BEND7: variants seen among roughly 807,000 people sequenced by gnomAD.
The protein encoded by BEND7 is BEN domain-containing protein 7.
A neutral mutation model predicts 50.9 loss-of-function variants in BEND7; 28 were observed. That is an observed-to-expected ratio of 0.55 (90% confidence interval 0.41 to 0.75). The LOEUF (loss-of-function observed/expected upper bound fraction) is 0.75, where lower values mean the gene tolerates loss of function less well. Among genes scored for constraint, BEND7 ranks in the 30% least tolerant of loss-of-function variants. BEND7 has a pLI of 0.00. For missense variants in BEND7, 477 were observed against 491.3 expected (o/e 0.97, Z 0.28); for synonymous variants, 170 against 183.9 (o/e 0.92, Z 0.61).
At chr10:13,521,283 TC>T (rs1284367397) in intron 2 of BEND7, among the ~76,000 whole-genome samples, 1 of 152,196 alleles carries the variant, frequency 6.6e-6, no homozygotes, top group Non-Finnish European at 1.5e-5. Context: ...CTGGCTTGCA[TC>T]CTGGCTCTGG....
chr10:13,520,045 G>A (rs1052307284), intron 2 of BEND7, among the ~76,000 whole-genome samples: 1 of 152,106 alleles, frequency 6.6e-6, no homozygotes, highest in Non-Finnish European at 1.5e-5. Context: ...AGGAGAGCGG[G>A]GCCTCACTCC....
At chr10:13,448,628 G>C (rs922984255) in intron 7 of BEND7, among the ~76,000 whole-genome samples, 1 of 152,176 alleles carries the variant, frequency 6.6e-6, no homozygotes, top group African/African-American at 2.4e-5. Context: ...CTTGTCTGCT[G>C]ACCTGCTAGA....
In BEND7 at chr10:13,458,266, C is replaced by T. The variant is rs538351132; in HGVS notation, c.1064-5608G>A. On this transcript the variant is annotated intron_variant, in intron 6 of 8. Transcript: ENST00000466271. ...TTCAGAATGCTGCTCCTCATGTAAT[C>T]ATCATCAAGTGAAGGCGGCAGCGCG... 9.8e-5 allele frequency among the ~76,000 whole-genome samples: 15 copies of T among 152,358 alleles called. 1 individual carries two copies. Among genetic ancestry groups the T allele is most frequent in the Admixed American group, 9.1e-4 (14 of 15,310 alleles).
chr10:13,496,545 CAT>C (rs1428026035), intron 4 of BEND7, among the ~76,000 whole-genome samples: 4 of 152,090 alleles, frequency 2.6e-5, no homozygotes, highest in Non-Finnish European at 2.9e-5. Context: ...AGTACATACA[CAT>C]AATTATATGA....
chr10:13,511,025 C>G (rs895383851), intron 2 of BEND7, among the ~76,000 whole-genome samples: 3 of 152,084 alleles, frequency 2.0e-5, no homozygotes, highest in Admixed American at 1.3e-4. Context: ...TTAAAAAATA[C>G]GAAAATTAGC....
chr10:13,515,262 T>C (rs2078583395), intron 2 of BEND7, among the ~76,000 whole-genome samples: 1 of 152,244 alleles, frequency 6.6e-6, no homozygotes. Flanking sequence ...ATACTCTATG[T>C]AGCATTCGAT....
chr10:13,488,392 A>G (rs1441389307), intron 5 of BEND7, among the ~76,000 whole-genome samples: 4 of 152,228 alleles, frequency 2.6e-5, no homozygotes, highest in Non-Finnish European at 4.4e-5. Flanking sequence ...ATAATCTTGA[A>G]AAACAGCGAC....
intron 2 of BEND7, among the ~76,000 whole-genome samples, chr10:13,524,673 C>A (rs912981323): frequency 6.7e-5 from 10 of 149,852 alleles, no homozygotes; most frequent in African/African-American, 2.5e-4. Flanking sequence ...AAAAGAATTC[C>A]AACTGACCAA....
downstream of BEND7, among the ~76,000 whole-genome samples, chr10:13,439,959 T>G (rs775602241): frequency 7.2e-5 from 11 of 152,214 alleles, no homozygotes; most frequent in Non-Finnish European, 1.2e-4. Context: ...CCAGTCGCCC[T>G]AAACACCCAC....
rs1189671187 is a variant in BEND7, at chr10:13,492,792, T to C, written c.656A>G (p.Lys219Arg). The change falls in exon 5 of 9, where the codon AAA (lysine) becomes AGA (arginine). Residue 219 changes from lysine to arginine, a missense_variant. Lys to Arg is a conservative substitution (Grantham distance 26, BLOSUM62 2). Coordinates refer to ENST00000466271, the MANE Select transcript of BEND7 (RefSeq NM_001369863.1). Reference protein sequence around the residue: ...TAVSRKRNKKKKVPPKTVEPL... With the variant: ...TAVSRKRNKKRKVPPKTVEPL... ...TTCCACAGTCTTTGGGGGCACTTTTTTCTTTTTATTTCTCTTTCGTGAGAC... is the reference window on the plus strand; with the variant it reads ...TTCCACAGTCTTTGGGGGCACTTTTCTCTTTTTATTTCTCTTTCGTGAGAC... 1.2e-6 allele frequency: 2 copies of C among 1,607,624 alleles called. No individual in the cohort carries two copies. Among genetic ancestry groups the C allele is most frequent in the Non-Finnish European group, 1.7e-6 (2 of 1,178,676 alleles).
At chr10:13,495,263 C>T (rs138656299) in intron 4 of BEND7, among the ~76,000 whole-genome samples, 110 of 152,320 alleles carry the variant, frequency 7.2e-4, no homozygotes, top group African/African-American at 2.4e-3. Context: ...TAACCTCCTC[C>T]AGGTTAATAA....
chr10:13,487,312 G>T (rs1231106693), intron 5 of BEND7, among the ~76,000 whole-genome samples: 1 of 151,812 alleles, frequency 6.6e-6, no homozygotes, highest in African/African-American at 2.4e-5. Context: ...ATGAAGCAAA[G>T]ATCTGAACTC....
chr10:13,458,437 T>C (rs574537131), intron 6 of BEND7, among the ~76,000 whole-genome samples: 20 of 152,320 alleles, frequency 1.3e-4, no homozygotes, highest in South Asian at 4.1e-4. Context: ...AAAAGAAGAA[T>C]GTGGCATGGA....
chr10:13,496,901 G>C lies in BEND7; in HGVS notation c.449-13C>G, dbSNP rs780673593. The C allele has an allele frequency of 6.6e-5, 67 of 1,007,940 alleles. No individual in the cohort carries two copies. The highest frequency in any genetic ancestry group is 7.6e-5 in the Non-Finnish European group (60 of 786,932). 62.4% of individuals were successfully genotyped at this position (1,007,940 alleles called of 1,614,324 possible). A position where few individuals can be genotyped will look rare whatever the true frequency, so the allele number is the denominator to read the frequency against. The stretch of plus-strand genomic sequence containing the variant: ...ACTGGAAGTTCTCCTGAGCATGAAA[G>C]AAAAGAATGACATACTCCAAACAAA... On this transcript the variant is annotated splice_polypyrimidine_tract_variant and intron_variant, in intron 3 of 8. Coordinates refer to ENST00000466271, the MANE Select transcript of BEND7 (RefSeq NM_001369863.1).
intron 2 of BEND7, among the ~76,000 whole-genome samples, chr10:13,519,254 C>G (rs531274916): frequency 1.3e-5 from 2 of 152,080 alleles, no homozygotes; most frequent in African/African-American, 4.8e-5. Context: ...AGGTGGATCA[C>G]GAGGTCAGGA....
intron 8 of BEND7, 122 bp from the exon 9 acceptor site, chr10:13,441,872 A>T (rs2130803296): frequency 1.1e-6 from 1 of 907,990 alleles, no homozygotes; most frequent in African/African-American, 1.7e-5. Flanking sequence ...GCCCCCCAAA[A>T]GAAGAAAAAG....
At position 13,498,873 on chromosome 10, in the gene BEND7, A is replaced by G. The variant is rs115227197; in HGVS notation, c.448+905T>C. ...TCTGGGGTCCTTCGCTGTCTCATCA[A>G]TGTCTCAGGATGGCTTTTCATGCCT... On this transcript the variant is annotated intron_variant, in intron 3 of 8. Transcript: ENST00000466271. Among the ~76,000 whole-genome samples, 725 of 152,330 alleles carry G rather than the reference A, an allele frequency of 4.8e-3. 7 individuals carry two copies. Among genetic ancestry groups the G allele is most frequent in the African/African-American group, 0.017 (694 of 41,566 alleles).
intron 7 of BEND7, among the ~76,000 whole-genome samples, chr10:13,449,475 A>G (rs544676011): frequency 2.0e-5 from 3 of 152,220 alleles, no homozygotes; most frequent in Non-Finnish European, 2.9e-5. Flanking sequence ...CACTCCAGGT[A>G]ACACAGCTAG....
At chr10:13,470,157 A>C (rs776995964) in intron 6 of BEND7, among the ~76,000 whole-genome samples, 4 of 152,218 alleles carry the variant, frequency 2.6e-5, no homozygotes, top group Non-Finnish European at 5.9e-5. Context: ...CAGGGAGTTA[A>C]ATAAAGAAGA....
Sources: allele counts gnomAD v4.1 joint callset (sites outside exome capture counted in the v4.1 genomes callset), GRCh38; gene constraint gnomAD v4.1.1; transcripts MANE v1.5; gene names NCBI Gene and HGNC (gene_info 2026-07-23, HGNC 2026-07-21).